The following GABPA variants were observed in gnomAD, a reference collection of about 807,000 sequenced individuals.
GABPA encodes GA binding protein transcription factor subunit alpha.
In GABPA, 4 loss-of-function variants were observed where a neutral mutation model predicts 59.4. The ratio of observed to expected loss-of-function variants is 0.07; its 90% CI spans 0.03 to 0.15. GABPA has a LOEUF of 0.15. Among genes scored for constraint, GABPA ranks in the 10% least tolerant of loss-of-function variants. The pLI is 1.00. For synonymous variants in GABPA, 164 were observed against 183.1 expected, an observed-to-expected ratio of 0.90 and a Z score of 0.84; for missense variants, 251 against 543.8, an observed-to-expected ratio of 0.46 and a Z score of 5.36.
In GABPA at chr21:25,745,229, G is replaced by C; in HGVS notation, c.97G>C (p.Ala33Pro). 1 of 1,613,402 alleles carries C rather than the reference G, an allele frequency of 6.2e-7. No individual in the cohort carries two copies. Among genetic ancestry groups the C allele is most frequent in the African/African-American group, 1.3e-5 (1 of 75,010 alleles). ...ATTTAGCATTGTAGAACAAACCTAC[G>C]CGCCAGCTGAATGTGTAAGCCAGGC... The part of the protein sequence containing the change: ...TEESIVEQTY[A>P]PAECVSQAID... The change falls in exon 3 of 10, where the codon GCG becomes CCG. Residue 33 changes from alanine (A) to proline (P), a missense_variant. Around this residue, in one of 4 missense-constraint regions of GABPA, gnomAD observed 207 missense variants for 366.7 expected, o/e 0.56. Coordinates refer to ENST00000400075, the MANE Select transcript of GABPA (RefSeq NM_002040.4).
At chr21:25,739,196 A>G (rs558292912) in intron 1 of GABPA, among the ~76,000 whole-genome samples, 8 of 152,332 alleles carry the variant, frequency 5.3e-5, no homozygotes, top group Non-Finnish European at 1.0e-4. Flanking sequence ...CAGGCAGTCT[A>G]GATTTGGGTG....
At chr21:25,752,826 A>G (rs1322390387) in intron 5 of GABPA, among the ~76,000 whole-genome samples, 1 of 152,212 alleles carries the variant, frequency 6.6e-6, no homozygotes, top group African/African-American at 2.4e-5. Context: ...TGGAACAGGT[A>G]GAGACTAAGT....
chr21:25,746,223 C>G (rs2035360160), intron 3 of GABPA, among the ~76,000 whole-genome samples: 1 of 152,076 alleles, frequency 6.6e-6, no homozygotes, highest in African/African-American at 2.4e-5. Flanking sequence ...CTGTGTTGGC[C>G]AGGCTGCTCT....
chr21:25,764,307 G>A lies in GABPA; in HGVS notation c.900G>A (p.Pro300=), dbSNP rs1029340621. 8 of 1,612,388 alleles carry A rather than the reference G, an allele frequency of 5.0e-6. No individual in the cohort carries two copies. The highest frequency in any genetic ancestry group is 3.3e-5 in the South Asian group (3 of 90,984). The change falls in exon 8 of 10, where the codon CCG becomes CCA. Residue 300 remains proline (P), a synonymous_variant. Coordinates refer to ENST00000400075, the MANE Select transcript of GABPA (RefSeq NM_002040.4). Reference sequence around the variant, plus strand: ...AAGCAGCCAAAGTACAAAGAGCGCCGAGGATTTCAGGAGAAGATAGAAGCT... The same window carrying A: ...AAGCAGCCAAAGTACAAAGAGCGCCAAGGATTTCAGGAGAAGATAGAAGCT... ...SAKAAKVQRA[P]RISGEDRSSP...
chr21:25,752,107 A>G lies in GABPA; in HGVS notation c.426A>G (p.Gln142=), dbSNP rs1555877915. 2.5e-6 allele frequency: 4 copies of G among 1,610,928 alleles called. No individual in the cohort carries two copies. In the South Asian group the frequency reaches 3.3e-5, roughly 13 times the overall value. ...AAGCACATCTTGTTGAAGAAGCTCA[A>G]GTGATAACTCTTGATGGCACAAAAC... ...ESEAHLVEEA[Q]VITLDGTKHI... is the part of the protein sequence containing the mutation. The change falls in exon 5 of 10, where the codon CAA becomes CAG. Residue 142 remains glutamine (Q), a synonymous_variant. Coordinates refer to ENST00000400075, the MANE Select transcript of GABPA (RefSeq NM_002040.4).
chr21:25,744,052 A>C (rs960584394), intron 2 of GABPA, among the ~76,000 whole-genome samples: 4 of 133,128 alleles, frequency 3.0e-5, no homozygotes, highest in African/African-American at 1.4e-4. Flanking sequence ...CAAAAAAAAA[A>C]AAAAAAAAAA....
intron 6 of GABPA, among the ~76,000 whole-genome samples, chr21:25,758,702 A>C (rs71651617): frequency 6.6e-6 from 1 of 152,198 alleles, no homozygotes; most frequent in Non-Finnish European, 1.5e-5. Flanking sequence ...TTAATTGAAT[A>C]GAGTCTTAAG....
rs573657017 is a variant in GABPA, at chr21:25,769,139, G to A, written c.1272G>A (p.Lys424=). Residue 424 remains lysine, a synonymous_variant, in exon 10 of 10, where the codon AAG becomes AAA. Coordinates refer to ENST00000400075, the MANE Select transcript of GABPA (RefSeq NM_002040.4). ...LNRLVTECEQ[K]KLAKMQLHGI... Reference sequence around the variant, plus strand: ...GTTTGGTCACAGAATGTGAACAGAAGAAACTTGCAAAGATGCAGCTCCATG... The same window carrying A: ...GTTTGGTCACAGAATGTGAACAGAAAAAACTTGCAAAGATGCAGCTCCATG... 6.2e-7 allele frequency: 1 copy of A among 1,612,736 alleles called. No homozygotes were observed. The highest frequency in any genetic ancestry group is 2.2e-5 in the East Asian group (1 of 44,880).
intron 2 of GABPA, among the ~76,000 whole-genome samples, chr21:25,743,465 A>C: frequency 6.6e-6 from 1 of 152,174 alleles, no homozygotes; most frequent in Non-Finnish European, 1.5e-5. Flanking sequence ...TGGATAGTCT[A>C]GGTTAGGCGA....
chr21:25,748,274 C>G (rs181639521), intron 3 of GABPA, among the ~76,000 whole-genome samples: 40 of 152,254 alleles, frequency 2.6e-4, no homozygotes, highest in Non-Finnish European at 4.1e-4. Context: ...TGTGCCATGA[C>G]GACACCATCA....
At position 25,767,224 on chromosome 21, in the gene GABPA, T is replaced by C. The variant is rs527713339; in HGVS notation, c.1137-1780T>C. 2.6e-5 allele frequency among the ~76,000 whole-genome samples: 4 copies of C among 152,140 alleles called. No individual in the cohort carries two copies. In the East Asian group the frequency reaches 7.7e-4, roughly 29 times the overall value. On this transcript the variant is annotated intron_variant, in intron 9 of 9. Transcript: ENST00000400075. ...GGGACATAAAGGGGATTCTAGATGCTGGCAGTGTTCTGTTTCTTGACCTGA... is the reference window on the plus strand; with the variant it reads ...GGGACATAAAGGGGATTCTAGATGCCGGCAGTGTTCTGTTTCTTGACCTGA...
intron 5 of GABPA, among the ~76,000 whole-genome samples, chr21:25,753,058 G>C (rs527899087): frequency 1.3e-5 from 2 of 152,250 alleles, no homozygotes; most frequent in Admixed American, 1.3e-4. Context: ...TAATAATCTT[G>C]ATAAAAATTG....
intron 7 of GABPA, chr21:25,762,991 T>C: frequency 2.6e-6 from 1 of 386,514 alleles, no homozygotes; most frequent in Non-Finnish European, 5.0e-6. Context: ...CTTTTCCCCT[T>C]TCTTTTCTCT....
At chr21:25,755,665 C>T (rs1002756492) in intron 5 of GABPA, among the ~76,000 whole-genome samples, 1 of 152,062 alleles carries the variant, frequency 6.6e-6, no homozygotes, top group Non-Finnish European at 1.5e-5. Flanking sequence ...GGGAATTGTT[C>T]TCTCAGTGTC....
At chr21:25,743,082 A>G (rs2035265882) in intron 2 of GABPA, among the ~76,000 whole-genome samples, 1 of 152,168 alleles carries the variant, frequency 6.6e-6, no homozygotes, top group Admixed American at 6.5e-5. Flanking sequence ...AGACTTGACT[A>G]GGGCTAGGGT....
At chr21:25,745,982 CAT>C (rs1407386907) in intron 3 of GABPA, among the ~76,000 whole-genome samples, 6 of 151,878 alleles carry the variant, frequency 4.0e-5, no homozygotes, top group Non-Finnish European at 8.8e-5. Flanking sequence ...CTTCCTTAAA[CAT>C]ATGATTAAAT....
In GABPA at chr21:25,770,396, A is replaced by G. The variant is rs2035986104; in HGVS notation, c.*1164A>G. 6.6e-6 allele frequency: 1 copy of G among 152,100 alleles called. No homozygotes were observed. Among genetic ancestry groups the G allele is most frequent in the Non-Finnish European group, 1.5e-5 (1 of 67,966 alleles). 9.4% of individuals were successfully genotyped at this position (152,100 alleles called of 1,614,324 possible). On this transcript the variant is annotated 3_prime_UTR_variant, in exon 10 of 10. Coordinates refer to ENST00000400075, the MANE Select transcript of GABPA (RefSeq NM_002040.4). ...TATACAGAAGAAAAATTATTAAACAACTCATTTTAAGATTCAAATTAACTA... is the reference window on the plus strand; with the variant it reads ...TATACAGAAGAAAAATTATTAAACAGCTCATTTTAAGATTCAAATTAACTA...
In GABPA at chr21:25,752,378, C is replaced by G. The variant is rs866190593; in HGVS notation, c.553+144C>G. 4.4e-6 allele frequency: 4 copies of G among 910,814 alleles called. No individual in the cohort carries two copies. The Middle Eastern group carries it at 9.1e-4, about 206-fold the overall frequency. 56.4% of individuals were successfully genotyped at this position (910,814 alleles called of 1,614,324 possible). A position where few individuals can be genotyped will look rare whatever the true frequency, so the allele number is the denominator to read the frequency against. ...TTCTGTATCTCTCTTTTAATTGTAACGCACATTTAAGCTCATGTGGTGGAC... is the reference window on the plus strand; with the variant it reads ...TTCTGTATCTCTCTTTTAATTGTAAGGCACATTTAAGCTCATGTGGTGGAC... On this transcript the variant is annotated intron_variant, in intron 5 of 9. Transcript: ENST00000400075.
intron 3 of GABPA, among the ~76,000 whole-genome samples, chr21:25,746,913 GATAGA>G (rs1197973258): frequency 2.0e-5 from 3 of 152,142 alleles, no homozygotes; most frequent in African/African-American, 7.2e-5. Context: ...AATGAGATTT[GATAGA>G]ATAGAATTCG....
Sources: gnomAD v4.1 joint callset for allele counts (sites outside exome capture counted in the v4.1 genomes callset) on GRCh38, gnomAD v4.1.1 for gene constraint, gnomAD v4.1.1 regional missense constraint, MANE v1.5 for transcripts, NCBI Gene and HGNC (gene_info 2026-07-23, HGNC 2026-07-21) for gene names.